The following GRIN2B variants were observed in gnomAD, a reference collection of about 807,000 sequenced individuals.
GRIN2B encodes glutamate ionotropic receptor NMDA type subunit 2B, also known as glutamate receptor ionotropic, NMDA 2B.
A neutral mutation model predicts 114.5 loss-of-function variants in GRIN2B; 5 were observed. The ratio of observed to expected loss-of-function variants is 0.04; its 90% CI spans 0.02 to 0.09. GRIN2B has a LOEUF of 0.09. GRIN2B is among the 10% of genes least tolerant of loss of function. GRIN2B has a pLI of 1.00. For missense variants in GRIN2B, 1,108 were observed against 1,943.5 expected, an observed-to-expected ratio of 0.57 and a Z score of 8.08; for synonymous variants, 787 against 745.1, an observed-to-expected ratio of 1.06 and a Z score of -0.92.
chr12:13,916,728 C>CAG (rs1430941155), intron 2 of GRIN2B, among the ~76,000 whole-genome samples: 2 of 31,664 alleles, frequency 6.3e-5, no homozygotes, highest in African/African-American at 1.7e-4. Flanking sequence ...CACACACACA[C>CAG]ACACACATTT....
intron 3 of GRIN2B, among the ~76,000 whole-genome samples, chr12:13,832,542 A>G (rs554511323): frequency 5.3e-5 from 8 of 152,332 alleles, no homozygotes; most frequent in Non-Finnish European, 8.8e-5. Flanking sequence ...TGTCTTGAAC[A>G]CAGCAGGCAC....
intron 3 of GRIN2B, among the ~76,000 whole-genome samples, chr12:13,796,082 T>TAAAAA (rs59852695): frequency 7.1e-6 from 1 of 141,256 alleles, no homozygotes; most frequent in Non-Finnish European, 1.5e-5. Context: ...AAAGTATAAT[T>TAAAAA]AAAAAAAAAA....
intron 4 of GRIN2B, among the ~76,000 whole-genome samples, chr12:13,734,941 T>A (rs1339189519): frequency 6.6e-6 from 1 of 152,104 alleles, no homozygotes; most frequent in African/African-American, 2.4e-5. Context: ...TGGCCAGTAA[T>A]GTTATTTGAT....
intron 2 of GRIN2B, among the ~76,000 whole-genome samples, chr12:13,899,338 G>T (rs1052011416): frequency 7.2e-5 from 11 of 152,048 alleles, no homozygotes; most frequent in African/African-American, 2.7e-4. Context: ...AAAAGACTGG[G>T]TAATGTTCAA....
chr12:13,726,093 T>A (rs1862979121), intron 4 of GRIN2B, among the ~76,000 whole-genome samples: 1 of 152,198 alleles, frequency 6.6e-6, no homozygotes, highest in South Asian at 2.1e-4. Context: ...AGTTTCCTGC[T>A]GAAATAGTCA....
At chr12:13,906,068 C>T (rs1866530069) in intron 2 of GRIN2B, among the ~76,000 whole-genome samples, 1 of 152,132 alleles carries the variant, frequency 6.6e-6, no homozygotes, top group Non-Finnish European at 1.5e-5. Context: ...AACAGAGCTC[C>T]CAATACTTTT....
At chr12:13,793,420 C>A (rs1252786571) in intron 3 of GRIN2B, among the ~76,000 whole-genome samples, 50 of 147,640 alleles carry the variant, frequency 3.4e-4, no homozygotes, top group African/African-American at 4.0e-4. Flanking sequence ...GACTCTGTCT[C>A]AAAAAAAAAA....
Position 13,615,047 on chromosome 12 carries a change from CT to C in GRIN2B, c.1654+66del. On this transcript the variant is annotated intron_variant, in intron 8 of 13. Coordinates refer to ENST00000609686, the MANE Select transcript of GRIN2B (RefSeq NM_000834.5). This position sits in a 1 kb window ranked among gnomAD's most constrained non-coding sequence, Gnocchi z 5.8. ...GCTGGAACAGCCTGGCCATGTGCTC[CT>C]TTTTTCCTTATTTCACTTCCCCATC... 1.4e-6 allele frequency: 2 copies of C among 1,432,664 alleles called. No homozygotes were observed. The highest frequency in any genetic ancestry group is 2.0e-6 in the Non-Finnish European group (2 of 1,014,810). The allele number at this position is 1,432,664 out of a possible 1,614,324, so 88.7% of individuals were successfully genotyped here.
At chr12:13,929,328 T>TAAGCA (rs1253701929) in intron 2 of GRIN2B, among the ~76,000 whole-genome samples, 1 of 126,746 alleles carries the variant, frequency 7.9e-6, no homozygotes, top group East Asian at 2.4e-4. Flanking sequence ...ACCAAACCGT[T>TAAGCA]AAGCAAATAG....
At chr12:13,745,601 C>T (rs1863365718) in intron 4 of GRIN2B, among the ~76,000 whole-genome samples, 1 of 152,238 alleles carries the variant, frequency 6.6e-6, no homozygotes, top group African/African-American at 2.4e-5. Flanking sequence ...AGTGACCGCT[C>T]TGAGACTGTG....
chr12:13,557,368 A>G lies in GRIN2B; in HGVS notation c.*5415T>C, dbSNP rs759470976. On this transcript the variant is annotated 3_prime_UTR_variant, in exon 14 of 14. Coordinates refer to ENST00000609686, the MANE Select transcript of GRIN2B (RefSeq NM_000834.5). ...TTTACCAGATAACAGGGCACCCCCT[A>G]TGGAGGTGGAAAGTATAGGATATAG... 1 of 152,230 alleles carries G rather than the reference A, an allele frequency of 6.6e-6. No homozygotes were observed. Among genetic ancestry groups the G allele is most frequent in the Non-Finnish European group, 1.5e-5 (1 of 68,030 alleles). 9.4% of individuals were successfully genotyped at this position (152,230 alleles called of 1,614,324 possible).
chr12:13,730,343 A>G (rs1331500701), intron 4 of GRIN2B, among the ~76,000 whole-genome samples: 6 of 152,228 alleles, frequency 3.9e-5, no homozygotes, highest in Non-Finnish European at 1.5e-5. Flanking sequence ...GGATAGCCCA[A>G]TAAAACAAGC....
intron 3 of GRIN2B, among the ~76,000 whole-genome samples, chr12:13,771,254 G>C (rs1222765519): frequency 2.0e-5 from 3 of 152,106 alleles, no homozygotes; most frequent in African/African-American, 7.2e-5. Context: ...ATGATTGTGA[G>C]GCCTCCCCAG....
intron 3 of GRIN2B, among the ~76,000 whole-genome samples, chr12:13,801,309 AT>A (rs1353655446): frequency 6.6e-6 from 1 of 152,212 alleles, no homozygotes; most frequent in African/African-American, 2.4e-5. Context: ...TGACCCCTAT[AT>A]AAAAAACTGA....
chr12:13,711,691 A>T (rs1393356595), intron 4 of GRIN2B, among the ~76,000 whole-genome samples: 2 of 152,124 alleles, frequency 1.3e-5, no homozygotes, highest in African/African-American at 4.8e-5. Context: ...ACCATCTCAC[A>T]CCAGTTAGAA....
At chr12:13,725,678 A>G (rs574618868) in intron 4 of GRIN2B, among the ~76,000 whole-genome samples, 2 of 152,300 alleles carry the variant, frequency 1.3e-5, no homozygotes, top group South Asian at 4.1e-4. Context: ...CAAAACTATT[A>G]TAGAATACAG....
At chr12:13,918,744 T>G (rs1185946776) in intron 2 of GRIN2B, among the ~76,000 whole-genome samples, 1 of 152,232 alleles carries the variant, frequency 6.6e-6, no homozygotes, top group African/African-American at 2.4e-5. Flanking sequence ...AAACTACACA[T>G]TATGAAGTTG....
chr12:13,851,231 T>C (rs1472951806), intron 3 of GRIN2B, among the ~76,000 whole-genome samples: 1 of 152,236 alleles, frequency 6.6e-6, no homozygotes, highest in Non-Finnish European at 1.5e-5. Flanking sequence ...TGACATCTGA[T>C]GGTGGATTTC....
chr12:13,878,075 A>G (rs1239357099), intron 2 of GRIN2B, among the ~76,000 whole-genome samples: 2 of 151,742 alleles, frequency 1.3e-5, no homozygotes, highest in African/African-American at 2.4e-5. Context: ...AAAAAAAAAA[A>G]AAAAAAAAAA....
Sources: gnomAD v4.1 joint callset for allele counts (sites outside exome capture counted in the v4.1 genomes callset) on GRCh38, gnomAD v4.1.1 for gene constraint, Gnocchi (gnomAD v3.1) non-coding constraint, MANE v1.5 for transcripts, NCBI Gene and HGNC (gene_info 2026-07-23, HGNC 2026-07-21) for gene names.